LRP1B: variants seen among roughly 807,000 people sequenced by gnomAD.
The protein encoded by LRP1B is low-density lipoprotein receptor-related protein 1B.
A neutral mutation model predicts 556.6 loss-of-function variants in LRP1B; 217 were observed. The observed-to-expected ratio is 0.39, with a 90% confidence interval of 0.35 to 0.44. LRP1B has a LOEUF of 0.44. Ranked by LOEUF, LRP1B falls within the 20% of genes least tolerant of loss-of-function variation. The pLI is 1.00. For synonymous variants in LRP1B, 2,047 were observed against 1,865.8 expected, an observed-to-expected ratio of 1.10 and a Z score of -2.50; for missense variants, 5,053 against 5,620.8, an observed-to-expected ratio of 0.90 and a Z score of 3.23.
intron 3 of LRP1B, among the ~76,000 whole-genome samples, chr2:141,301,779 G>A (rs1266665874): frequency 1.3e-5 from 2 of 152,132 alleles, no homozygotes; most frequent in Non-Finnish European, 2.9e-5. Context: ...ACAGTTTGCA[G>A]ACATGGAAGG....
intron 2 of LRP1B, among the ~76,000 whole-genome samples, chr2:141,789,042 T>C (rs892711123): frequency 6.6e-6 from 1 of 152,056 alleles, no homozygotes; most frequent in Middle Eastern, 3.2e-3. Flanking sequence ...CCTTTGGGTA[T>C]ATACCCAGTA....
At chr2:140,760,655 G>T (rs1688888699) in intron 35 of LRP1B, among the ~76,000 whole-genome samples, 1 of 152,162 alleles carries the variant, frequency 6.6e-6, no homozygotes, top group Non-Finnish European at 1.5e-5. Context: ...GGAGGCCAAG[G>T]TGGTGGATCA....
intron 74 of LRP1B, among the ~76,000 whole-genome samples, chr2:140,357,488 G>A (rs1682280706): frequency 6.6e-6 from 1 of 150,968 alleles, no homozygotes; most frequent in Non-Finnish European, 1.5e-5. Flanking sequence ...CAAATACCAA[G>A]CATTAGACAC....
intron 1 of LRP1B, among the ~76,000 whole-genome samples, chr2:141,964,899 GA>G (rs1191172076): frequency 1.3e-5 from 2 of 149,394 alleles, no homozygotes; most frequent in Admixed American, 6.7e-5. Context: ...AAATTTACAA[GA>G]AAAAAACAAA....
Position 141,629,015 on chromosome 2 carries a change from G to A in LRP1B, c.206-148482C>T, listed in dbSNP as rs573468790. ...TAATTTGTACAACCAATCTGTATAA[G>A]CATTATCTCCACGTATACATGAGAA... On this transcript the variant is annotated intron_variant, in intron 2 of 90. Transcript: ENST00000389484. Among the ~76,000 whole-genome samples the A allele has an allele frequency of 6.6e-5, 10 of 152,210 alleles. No individual in the cohort carries two copies. The South Asian group carries it at 1.0e-3, about 16-fold the overall frequency.
intron 2 of LRP1B, among the ~76,000 whole-genome samples, chr2:141,797,159 A>AAC (rs1553465615): frequency 8.8e-5 from 7 of 79,958 alleles, no homozygotes; most frequent in African/African-American, 2.2e-4. Flanking sequence ...ATATATATAT[A>AAC]TATATATATA....
chr2:140,569,812 AAATTTTTT>A (rs1681256668), intron 43 of LRP1B, among the ~76,000 whole-genome samples: 1 of 151,908 alleles, frequency 6.6e-6, no homozygotes, highest in Admixed American at 6.6e-5. Context: ...AAATTTCATC[AAATTTTTT>A]AAAAATGGAA....
chr2:140,947,944 T>C (rs940666789), intron 20 of LRP1B, among the ~76,000 whole-genome samples: 3 of 152,144 alleles, frequency 2.0e-5, no homozygotes, highest in Non-Finnish European at 1.5e-5. Flanking sequence ...AGTAATCTAC[T>C]AGTGAAAATG....
chr2:141,404,097 A>G (rs1690542263), intron 3 of LRP1B, among the ~76,000 whole-genome samples: 7 of 152,212 alleles, frequency 4.6e-5, no homozygotes, highest in Admixed American at 3.3e-4. Context: ...TTAAGTCATA[A>G]AAAGTTAAGA....
intron 2 of LRP1B, among the ~76,000 whole-genome samples, chr2:141,689,813 A>T (rs1691449375): frequency 6.6e-6 from 1 of 151,870 alleles, no homozygotes. Context: ...AATAAACACC[A>T]GTCAGCTGAC....
chr2:141,831,099 T>A lies in LRP1B; in HGVS notation c.83-20698A>T, dbSNP rs368822788. On this transcript the variant is annotated intron_variant, in intron 1 of 90. Transcript: ENST00000389484. ...TTAATTTCATTACTTAATAGCCTTATCTTGCCTTTGAGCAACTTACTTTCA... is the reference window on the plus strand; with the variant it reads ...TTAATTTCATTACTTAATAGCCTTAACTTGCCTTTGAGCAACTTACTTTCA... 2.6e-5 allele frequency among the ~76,000 whole-genome samples: 4 copies of A among 151,794 alleles called. No individual in the cohort carries two copies. The South Asian group carries it at 8.3e-4, about 31-fold the overall frequency.
intron 2 of LRP1B, among the ~76,000 whole-genome samples, chr2:141,631,301 T>C (rs1020605432): frequency 2.0e-5 from 3 of 152,018 alleles, no homozygotes; most frequent in Admixed American, 2.0e-4. Flanking sequence ...CCATGACATG[T>C]GGGGATTATG....
At chr2:141,797,714 G>A (rs62158048) in intron 2 of LRP1B, among the ~76,000 whole-genome samples, 13,780 of 152,064 alleles carry the variant, frequency 0.091, 672 homozygotes, top group Non-Finnish European at 0.1. Flanking sequence ...AAATTTTGTT[G>A]TAATTTAATG....
chr2:141,470,874 A>G (rs1682436049), intron 3 of LRP1B, among the ~76,000 whole-genome samples: 1 of 152,238 alleles, frequency 6.6e-6, no homozygotes, highest in Admixed American at 6.5e-5. Context: ...TAGGCATGTT[A>G]TAACAAGGTA....
intron 1 of LRP1B, among the ~76,000 whole-genome samples, chr2:142,070,294 T>C (rs967857666): frequency 4.0e-5 from 6 of 151,826 alleles, no homozygotes; most frequent in Non-Finnish European, 7.4e-5. Context: ...ATATCTTATA[T>C]CCTCTCATTT....
chr2:141,037,443 G>C (rs1698565886), intron 11 of LRP1B, among the ~76,000 whole-genome samples: 1 of 152,000 alleles, frequency 6.6e-6, no homozygotes, highest in Non-Finnish European at 1.5e-5. Context: ...CCTCTATGAG[G>C]ACTTTGAACT....
intron 7 of LRP1B, among the ~76,000 whole-genome samples, chr2:141,174,351 T>C (rs1680641931): frequency 1.3e-5 from 2 of 152,198 alleles, no homozygotes; most frequent in South Asian, 2.1e-4. Context: ...ACTTGTGATA[T>C]GGTTTGGCTC....
intron 41 of LRP1B, among the ~76,000 whole-genome samples, chr2:140,689,733 T>C (rs910951105): frequency 1.3e-5 from 2 of 152,170 alleles, no homozygotes; most frequent in Non-Finnish European, 2.9e-5. Context: ...CTTCTATCCA[T>C]TCCTAATCAG....
chr2:142,130,082 G>T (rs969835326), intron 1 of LRP1B, among the ~76,000 whole-genome samples: 1 of 152,070 alleles, frequency 6.6e-6, no homozygotes, highest in African/African-American at 2.4e-5. Flanking sequence ...CGTGCGCCCG[G>T]AATCGTCCTA....
Sources: gnomAD v4.1 joint callset for allele counts (sites outside exome capture counted in the v4.1 genomes callset) on GRCh38, gnomAD v4.1.1 for gene constraint, MANE v1.5 for transcripts, NCBI Gene and HGNC (gene_info 2026-07-23, HGNC 2026-07-21) for gene names.